Variants in PKIB observed in about 807,000 individuals in gnomAD.
The protein encoded by PKIB is cAMP-dependent protein kinase inhibitor beta, also known as PKI-beta.
Under a neutral mutation model 4.5 loss-of-function variants are expected in PKIB, and 2 were observed. That is an observed-to-expected ratio of 0.44 (90% confidence interval 0.18 to 1.39). The LOEUF (loss-of-function observed/expected upper bound fraction) is 1.39. PKIB is among the 40% of genes most tolerant of loss of function. The probability of loss-of-function intolerance (pLI) is 0.27; values close to 1 mark genes in which losing one functional copy is unlikely to be tolerated. For missense variants in PKIB, 94 were observed against 92.6 expected, an observed-to-expected ratio of 1.02 and a Z score of -0.06; for synonymous variants, 38 against 36.0, an observed-to-expected ratio of 1.06 and a Z score of -0.20.
chr6:122,479,343 C>CT (rs1443711640), intron 2 of PKIB: 6 of 152,100 alleles, frequency 3.9e-5, no homozygotes. Context: ...GTACTTCATA[C>CT]TTTATAGAGT....
At position 122,596,935 on chromosome 6, in the gene PKIB, AGG is replaced by A. The variant is rs1411013235; in HGVS notation, c.-161+10929_-161+10930del. Among the ~76,000 whole-genome samples, 5 of 152,320 alleles carry A rather than the reference AGG, an allele frequency of 3.3e-5. No individual in the cohort carries two copies. In the East Asian group the frequency reaches 7.7e-4, roughly 24 times the overall value. On this transcript the variant is annotated intron_variant, in intron 3 of 6. Coordinates refer to the PKIB transcript ENST00000392491. ...TGGGCTGGAGTAATACACCCAAATG[AGG>A]AATGTGTTACTTTCAAAATCCAAAT...
At chr6:122,533,993 C>G (rs1323120518) in intron 2 of PKIB, among the ~76,000 whole-genome samples, 1 of 151,844 alleles carries the variant, frequency 6.6e-6, no homozygotes, top group Non-Finnish European at 1.5e-5. Context: ...GAAACTTCTA[C>G]CCACTTACCT....
intron 3 of PKIB, among the ~76,000 whole-genome samples, chr6:122,704,219 A>G (rs1358527655): frequency 2.6e-5 from 4 of 152,140 alleles, no homozygotes; most frequent in African/African-American, 9.7e-5. Flanking sequence ...ACTTCAATGC[A>G]TGGGATGTGG....
At chr6:122,506,513 A>G (rs1027699187) in intron 2 of PKIB, among the ~76,000 whole-genome samples, 3 of 152,096 alleles carry the variant, frequency 2.0e-5, no homozygotes, top group African/African-American at 7.2e-5. Flanking sequence ...AAATTATGGG[A>G]AACTGGGCAT....
chr6:122,635,504 C>T (rs1775880889), intron 2 of PKIB, among the ~76,000 whole-genome samples: 1 of 138,784 alleles, frequency 7.2e-6, no homozygotes, highest in African/African-American at 2.7e-5. Flanking sequence ...AAAGAGAAAA[C>T]ATTTTTCTGA....
At chr6:122,523,061 T>C (rs1776991876) in intron 2 of PKIB, among the ~76,000 whole-genome samples, 1 of 152,218 alleles carries the variant, frequency 6.6e-6, no homozygotes, top group East Asian at 1.9e-4. Flanking sequence ...TGTCTCTTTG[T>C]TCTAATCTTA....
intron 2 of PKIB, among the ~76,000 whole-genome samples, chr6:122,488,567 G>T (rs966938549): frequency 6.6e-6 from 1 of 151,996 alleles, no homozygotes; most frequent in Non-Finnish European, 1.5e-5. Flanking sequence ...GAGTAGTTGG[G>T]ACAACAGGCA....
chr6:122,471,960 C>A, exon 1 of PKIB: 1 of 1,088,922 alleles, frequency 9.2e-7, no homozygotes, highest in East Asian at 2.8e-5. Flanking sequence ...GTCTTCTTTC[C>A]TGGAGAATTT....
rs922507194 is a variant in PKIB at position 122,559,222 on chromosome 6, A to G, written c.-247-26699A>G. Among the ~76,000 whole-genome samples the G allele has an allele frequency of 3.3e-5, 5 of 152,008 alleles. 1 individual carries two copies. The highest frequency in any genetic ancestry group is 2.0e-4 in the Admixed American group (3 of 15,238). ...AGTGGGCTAAGGACATGAATAGACA[A>G]TTCTCAAAAGAAGATATACAAATGG... On this transcript the variant is annotated intron_variant, in intron 2 of 6. Transcript: ENST00000392491.
intron 2 of PKIB, among the ~76,000 whole-genome samples, chr6:122,652,987 G>A (rs1053755261): frequency 2.5e-4 from 38 of 152,122 alleles, no homozygotes; most frequent in African/African-American, 9.2e-4. Flanking sequence ...CCATAACAGA[G>A]TGGGGTCATC....
At chr6:122,624,858 G>A (rs1775374152) in intron 1 of PKIB, among the ~76,000 whole-genome samples, 1 of 152,166 alleles carries the variant, frequency 6.6e-6, no homozygotes, top group Non-Finnish European at 1.5e-5. Flanking sequence ...GGACTAAAAT[G>A]CAAGGTGTCT....
intron 2 of PKIB, among the ~76,000 whole-genome samples, chr6:122,558,093 T>G (rs1772900537): frequency 6.6e-6 from 1 of 152,168 alleles, no homozygotes; most frequent in Non-Finnish European, 1.5e-5. Context: ...CTAAACTTAC[T>G]GAAGCAGAAA....
intron 3 of PKIB, among the ~76,000 whole-genome samples, chr6:122,690,438 A>G (rs1778282889): frequency 6.6e-6 from 1 of 151,984 alleles, no homozygotes; most frequent in Non-Finnish European, 1.5e-5. Flanking sequence ...GGTTACCATG[A>G]GGATTGCAAA....
intron 3 of PKIB, among the ~76,000 whole-genome samples, chr6:122,713,754 T>C (rs977771614): frequency 6.6e-6 from 1 of 152,220 alleles, no homozygotes; most frequent in Non-Finnish European, 1.5e-5. Flanking sequence ...AGGTAATATA[T>C]ATGCTCATTA....
intron 3 of PKIB, among the ~76,000 whole-genome samples, chr6:122,596,384 A>G (rs1774178719): frequency 1.3e-5 from 2 of 152,182 alleles, no homozygotes; most frequent in Admixed American, 1.3e-4. Context: ...GACCATGGGC[A>G]TTTGAGCCAC....
intron 2 of PKIB, among the ~76,000 whole-genome samples, chr6:122,509,231 G>A (rs1038560088): frequency 2.6e-5 from 4 of 152,088 alleles, no homozygotes; most frequent in African/African-American, 9.7e-5. Context: ...AAGAACCCAT[G>A]TAGTTAATTT....
intron 2 of PKIB, among the ~76,000 whole-genome samples, chr6:122,524,189 C>G (rs564294719): frequency 6.7e-6 from 1 of 148,794 alleles, no homozygotes; most frequent in East Asian, 2.0e-4. Context: ...TCTTCATCCT[C>G]CTCTTCTTCT....
At chr6:122,516,340 T>G (rs1159944906) in intron 2 of PKIB, among the ~76,000 whole-genome samples, 1 of 152,144 alleles carries the variant, frequency 6.6e-6, no homozygotes, top group Non-Finnish European at 1.5e-5. Context: ...TTAATATAAC[T>G]CCATAGGAGA....
At chr6:122,614,066 TAGC>T (rs1306801528) in intron 1 of PKIB, among the ~76,000 whole-genome samples, 2 of 151,436 alleles carry the variant, frequency 1.3e-5, no homozygotes, top group East Asian at 3.9e-4. Flanking sequence ...AAGTGGCAAA[TAGC>T]AGTATTATGT....
Sources: gnomAD v4.1 joint callset for allele counts (sites outside exome capture counted in the v4.1 genomes callset) on GRCh38, gnomAD v4.1.1 for gene constraint, MANE v1.5 for transcripts, NCBI Gene and HGNC (gene_info 2026-07-23, HGNC 2026-07-21) for gene names.